Variants in RAB1B observed in about 807,000 individuals in gnomAD.
RAB1B encodes ras-related protein Rab-1B.
In RAB1B, 10 loss-of-function variants were observed where a neutral mutation model predicts 24.8. The ratio of observed to expected loss-of-function variants is 0.40; its 90% CI spans 0.25 to 0.68. RAB1B has a LOEUF of 0.68. Among genes scored for constraint, RAB1B ranks in the 30% least tolerant of loss-of-function variants. The probability of loss-of-function intolerance (pLI) is 0.37; values close to 1 mark genes in which losing one functional copy is unlikely to be tolerated. For synonymous variants in RAB1B, 99 were observed against 111.7 expected, an observed-to-expected ratio of 0.89 and a Z score of 0.72; for missense variants, 154 against 271.2, an observed-to-expected ratio of 0.57 and a Z score of 3.04.
chr11:66,272,055 G>T, intron 2 of RAB1B, 102 bp from the exon 3 acceptor site: 1 of 1,010,490 alleles, frequency 9.9e-7, no homozygotes, highest in Non-Finnish European at 1.6e-6. Flanking sequence ...ATTGGGGCTT[G>T]GTGGTTCGGA....
chr11:66,276,099 C>A lies in RAB1B; in HGVS notation c.467C>A (p.Thr156Asn), dbSNP rs1590887133. Residue 156 changes from threonine to asparagine, a missense_variant, in exon 6 of 6, where the codon ACC becomes AAC. Thr to Asn is a moderately conservative substitution (Grantham distance 65, BLOSUM62 0). Coordinates refer to ENST00000311481, the MANE Select transcript of RAB1B (RefSeq NM_030981.3). ...PFLETSAKNA[T>N]NVEQAFMTMA... ...TTGGAGACGAGCGCCAAGAATGCCACCAATGTCGAGCAGGCGTTCATGACC... is the reference window on the plus strand; with the variant it reads ...TTGGAGACGAGCGCCAAGAATGCCAACAATGTCGAGCAGGCGTTCATGACC... 1 of 1,613,968 alleles carries A rather than the reference C, an allele frequency of 6.2e-7. No individual in the cohort carries two copies. The highest frequency in any genetic ancestry group is 8.5e-7 in the Non-Finnish European group (1 of 1,179,948).
intron 4 of RAB1B, among the ~76,000 whole-genome samples, chr11:66,274,463 A>G (rs1312344144): frequency 1.3e-5 from 2 of 152,220 alleles, no homozygotes; most frequent in African/African-American, 4.8e-5. Context: ...GGCCTTCAGC[A>G]GCAGTGGTCT....
rs749201157 is a variant in RAB1B at position 66,276,093 on chromosome 11, A to G, written c.461A>G (p.Asn154Ser). 3.1e-6 allele frequency: 5 copies of G among 1,613,958 alleles called. No individual in the cohort carries two copies. In the South Asian group the frequency reaches 4.4e-5, roughly 14 times the overall value. Reference protein sequence around the residue: ...GIPFLETSAKNATNVEQAFMT... With the variant: ...GIPFLETSAKSATNVEQAFMT... ...CCCTTCTTGGAGACGAGCGCCAAGA[A>G]TGCCACCAATGTCGAGCAGGCGTTC... The change falls in exon 6 of 6, where the codon AAT becomes AGT. Residue 154 changes from asparagine (N) to serine (S), a missense_variant. Physicochemically the swap from Asn to Ser is conservative, Grantham distance 46. Transcript: ENST00000311481.
At chr11:66,273,286 C>G (rs981892682) in intron 4 of RAB1B, among the ~76,000 whole-genome samples, 1 of 152,228 alleles carries the variant, frequency 6.6e-6, no homozygotes, top group African/African-American at 2.4e-5. Flanking sequence ...CAGCCGGGCT[C>G]TTTAGCTCAC....
At chr11:66,271,626 A>G (rs1001003665) in intron 1 of RAB1B, 171 bp from the exon 2 acceptor site, 29 of 558,398 alleles carry the variant, frequency 5.2e-5, no homozygotes, top group Non-Finnish European at 8.7e-5. Context: ...AGCCGTGATC[A>G]CTTCAGTGCA....
rs1312376753 is a variant in RAB1B at position 66,276,490 on chromosome 11, G to A, written c.*252G>A. The A allele has an allele frequency of 4.2e-6, 2 of 478,614 alleles. No individual in the cohort carries two copies. Among genetic ancestry groups the A allele is most frequent in the Admixed American group, 8.0e-5 (2 of 24,890 alleles). 29.6% of individuals were successfully genotyped at this position (478,614 alleles called of 1,614,324 possible). A position where few individuals can be genotyped will look rare whatever the true frequency, so the allele number is the denominator to read the frequency against. On this transcript the variant is annotated 3_prime_UTR_variant, in exon 6 of 6. Transcript: ENST00000311481. ...GCCTGCTGTGCTGTTGCCTCTAGGT[G>A]ACTTTCCAAGATGCCCCCCTACACA... is the stretch of plus-strand genomic sequence containing the variant.
chr11:66,273,111 C>A (rs1857087667), intron 4 of RAB1B, among the ~76,000 whole-genome samples: 1 of 152,216 alleles, frequency 6.6e-6, no homozygotes, highest in South Asian at 2.1e-4. Context: ...AGGTGACTTG[C>A]CGAGGGTCCT....
chr11:66,276,305 G>T lies in RAB1B; in HGVS notation c.*67G>T. ...GATGATGTCCCTGGAGGGGGCAGGA[G>T]GTACCTCCCTCTCCCTCTCCTGGGG... On this transcript the variant is annotated 3_prime_UTR_variant, in exon 6 of 6. Coordinates refer to ENST00000311481, the MANE Select transcript of RAB1B (RefSeq NM_030981.3). The T allele has an allele frequency of 7.1e-7, 1 of 1,416,820 alleles. No homozygotes were observed. The highest frequency in any genetic ancestry group is 1.5e-5 in the South Asian group (1 of 68,766). The allele number at this position is 1,416,820 out of a possible 1,614,324, so 87.8% of individuals were successfully genotyped here.
Position 66,276,386 on chromosome 11 carries a change from C to A in RAB1B, c.*148C>A. On this transcript the variant is annotated 3_prime_UTR_variant, in exon 6 of 6. Coordinates refer to ENST00000311481, the MANE Select transcript of RAB1B (RefSeq NM_030981.3). Reference sequence around the variant, plus strand: ...GGCTCCCCATCTCCTTCTGGCCCATCTGCCTGCTGCCCTGAGCCCCGGTTC... The same window carrying A: ...GGCTCCCCATCTCCTTCTGGCCCATATGCCTGCTGCCCTGAGCCCCGGTTC... The A allele has an allele frequency of 1.3e-6, 1 of 752,562 alleles. No individual in the cohort carries two copies. Among genetic ancestry groups the A allele is most frequent in the Non-Finnish European group, 2.0e-6 (1 of 491,166 alleles). The allele number at this position is 752,562 out of a possible 1,614,324, so 46.6% of individuals were successfully genotyped here. A position where few individuals can be genotyped will look rare whatever the true frequency, so the allele number is the denominator to read the frequency against.
chr11:66,275,758 G>A, intron 4 of RAB1B, 46 bp from the exon 5 acceptor site: 1 of 1,543,830 alleles, frequency 6.5e-7, no homozygotes, highest in African/African-American at 1.4e-5. Context: ...CTGGGGTAGG[G>A]GTGACAGTTG....
At chr11:66,268,826 C>CCG (rs1419194414) in intron 1 of RAB1B, 133 bp downstream of exon 1, 3 of 937,512 alleles carry the variant, frequency 3.2e-6, no homozygotes, top group Non-Finnish European at 4.3e-6. Flanking sequence ...CCGCTGACCC[C>CCG]CCCCCACATC....
At chr11:66,273,283 G>T (rs1857090455) in intron 4 of RAB1B, among the ~76,000 whole-genome samples, 1 of 152,216 alleles carries the variant, frequency 6.6e-6, no homozygotes, top group African/African-American at 2.4e-5. Flanking sequence ...GAGCAGCCGG[G>T]CTCTTTAGCT....
Position 66,276,554 on chromosome 11 carries a change from C to G in RAB1B, c.*316C>G, listed in dbSNP as rs1280119015. 4 of 338,400 alleles carry G rather than the reference C, an allele frequency of 1.2e-5. No individual in the cohort carries two copies. Among genetic ancestry groups the G allele is most frequent in the African/African-American group, 2.2e-5 (1 of 45,970 alleles). 21.0% of individuals were successfully genotyped at this position (338,400 alleles called of 1,614,324 possible). On this transcript the variant is annotated 3_prime_UTR_variant, in exon 6 of 6. Transcript: ENST00000311481. ...CGAGGGCTCTTCTGTCGGTGTCCCT[C>G]CCACCCCCATGTATGCTGCACTGGG...
intron 4 of RAB1B, among the ~76,000 whole-genome samples, chr11:66,273,853 TG>T (rs1212954947): frequency 2.6e-5 from 4 of 152,196 alleles, no homozygotes; most frequent in South Asian, 4.1e-4. Flanking sequence ...AAGCCAGTTT[TG>T]GAGGGCTCTT....
rs749708310 is a variant in RAB1B, at chr11:66,275,950, G to C, written c.411+15G>C. ...CCACAGCCAAGGTAGCAGACGGGCC[G>C]GTCTGCCCGGGGTCGGGGCGCTGGG... On this transcript the variant is annotated intron_variant, in intron 5 of 5. Coordinates refer to ENST00000311481, the MANE Select transcript of RAB1B (RefSeq NM_030981.3). The C allele has an allele frequency of 1.9e-6, 3 of 1,610,736 alleles. No individual in the cohort carries two copies. In the African/African-American group the frequency reaches 4.0e-5, roughly 21 times the overall value.
rs199875443 is a variant in RAB1B at position 66,274,288 on chromosome 11, TAGC to T, written c.280-1512_280-1510del. On this transcript the variant is annotated intron_variant, in intron 4 of 5. Transcript: ENST00000311481. ...ATAATAATAGCAGTGATGAGGATAA[TAGC>T]AGCTCTTGCCAATTAAGCACTTGTT... Among the ~76,000 whole-genome samples, 1,272 of 152,310 alleles carry T rather than the reference TAGC, an allele frequency of 8.4e-3. 9 individuals carry two copies. The highest frequency in any genetic ancestry group is 0.028 in the African/African-American group (1,174 of 41,558).
In RAB1B at chr11:66,276,250, G is replaced by A. The variant is rs1857143086; in HGVS notation, c.*12G>A. The A allele has an allele frequency of 3.2e-6, 5 of 1,573,242 alleles. No individual in the cohort carries two copies. Among genetic ancestry groups the A allele is most frequent in the Non-Finnish European group, 3.4e-6 (4 of 1,164,318 alleles). On this transcript the variant is annotated 3_prime_UTR_variant, in exon 6 of 6. Coordinates refer to ENST00000311481, the MANE Select transcript of RAB1B (RefSeq NM_030981.3). ...GTGGCTGTTGCTAGGAGGGGCACAT[G>A]GAGTGGGACAGGAGGGGGCACCTTC... is the stretch of plus-strand genomic sequence containing the variant.
intron 4 of RAB1B, among the ~76,000 whole-genome samples, chr11:66,273,070 G>A (rs956264830): frequency 6.6e-6 from 1 of 152,202 alleles, no homozygotes; most frequent in Non-Finnish European, 1.5e-5. Context: ...TGTTCCCATC[G>A]CACAGGTAAG....
intron 4 of RAB1B, among the ~76,000 whole-genome samples, chr11:66,274,392 A>G (rs1857108783): frequency 6.6e-6 from 1 of 152,188 alleles, no homozygotes; most frequent in Non-Finnish European, 1.5e-5. Flanking sequence ...AGAAATGAGG[A>G]AACTGAGGCT....
Sources: allele counts gnomAD v4.1 joint callset (sites outside exome capture counted in the v4.1 genomes callset), GRCh38; gene constraint gnomAD v4.1.1; transcripts MANE v1.5; gene names NCBI Gene and HGNC (gene_info 2026-07-23, HGNC 2026-07-21).